The following SOS1 variants were observed in gnomAD, a reference collection of about 807,000 sequenced individuals.
The protein encoded by SOS1 is SOS Ras/Rac guanine nucleotide exchange factor 1.
A neutral mutation model predicts 157.6 loss-of-function variants in SOS1; 25 were observed. The ratio of observed to expected loss-of-function variants is 0.16; its 90% CI spans 0.12 to 0.22. The LOEUF (loss-of-function observed/expected upper bound fraction) is 0.22, where lower values mean the gene tolerates loss of function less well. Ranked by LOEUF, SOS1 falls within the 10% of genes least tolerant of loss-of-function variation. The pLI is 1.00. For synonymous variants in SOS1, 528 were observed against 534.0 expected, an observed-to-expected ratio of 0.99 and a Z score of 0.16; for missense variants, 1,237 against 1,599.1, an observed-to-expected ratio of 0.77 and a Z score of 3.86.
At chr2:39,102,326 C>T (rs1458637242) in intron 1 of SOS1, among the ~76,000 whole-genome samples, 1 of 148,136 alleles carries the variant, frequency 6.8e-6, no homozygotes, top group Non-Finnish European at 1.5e-5. Context: ...AGTTCAAGAC[C>T]AGTGTGGGCA....
intron 15 of SOS1, 130 bp downstream of exon 15, chr2:39,010,454 G>T: frequency 3.9e-6 from 3 of 771,592 alleles, no homozygotes; most frequent in Admixed American, 2.0e-5. Context: ...TCAGTGGGCC[G>T]ATGTGCCACT....
rs973982161 is a variant in SOS1 at position 38,982,679 on chromosome 2, C to T, written c.*3145G>A. 3 of 152,102 alleles carry T rather than the reference C, an allele frequency of 2.0e-5. No individual in the cohort carries two copies. Among genetic ancestry groups the T allele is most frequent in the Admixed American group, 6.6e-5 (1 of 15,260 alleles). The allele number at this position is 152,102 out of a possible 1,614,324, so 9.4% of individuals were successfully genotyped here. On this transcript the variant is annotated 3_prime_UTR_variant, in exon 23 of 23. Transcript: ENST00000402219. ...TGTACAACACTAATAAATTGGGACA[C>T]TCCTCCTATTTTGCTGAGTCACTTA...
intron 1 of SOS1, among the ~76,000 whole-genome samples, chr2:39,101,415 T>C (rs1295973397): frequency 1.3e-5 from 2 of 152,110 alleles, no homozygotes; most frequent in Non-Finnish European, 2.9e-5. Context: ...TATATCAAAC[T>C]GCAAAAGTAG....
At position 38,981,824 on chromosome 2, in the gene SOS1, C is replaced by CACAA. The variant is rs1225940338; in HGVS notation, c.*3996_*3999dup. ...AAACAAAGGCAAATACACATATATA[C>CACAA]ACAAACACGTCTCAACTAAAATTAT... On this transcript the variant is annotated 3_prime_UTR_variant, in exon 23 of 23. Coordinates refer to ENST00000402219, the MANE Select transcript of SOS1 (RefSeq NM_005633.4). 6.6e-6 allele frequency: 1 copy of CACAA among 152,144 alleles called. No individual in the cohort carries two copies. Among genetic ancestry groups the CACAA allele is most frequent in the African/African-American group, 2.4e-5 (1 of 41,432 alleles). 9.4% of individuals were successfully genotyped at this position (152,144 alleles called of 1,614,324 possible).
chr2:39,001,726 GCTGT>G lies in SOS1; in HGVS notation c.2792-4305_2792-4302del, dbSNP rs748236009. On this transcript the variant is annotated intron_variant, in intron 17 of 22. Transcript: ENST00000402219. ...CCACCGGATCAGAACTGTATGAAAG[GCTGT>G]CTAACTCCAGAGACTGGTAACTTTT... 1.6e-4 allele frequency among the ~76,000 whole-genome samples: 25 copies of G among 152,224 alleles called. 1 individual carries two copies. Among genetic ancestry groups the G allele is most frequent in the African/African-American group, 4.6e-4 (19 of 41,552 alleles).
At chr2:39,022,232 G>GA (rs200973591) in intron 10 of SOS1, among the ~76,000 whole-genome samples, 12 of 150,878 alleles carry the variant, frequency 8.0e-5, no homozygotes, top group Admixed American at 2.6e-4. Context: ...AAAGAAGAAA[G>GA]AAAAAAAAGA....
chr2:39,064,301 AT>A (rs1161700292), intron 2 of SOS1, among the ~76,000 whole-genome samples: 1 of 152,162 alleles, frequency 6.6e-6, no homozygotes, highest in Non-Finnish European at 1.5e-5. Context: ...ATAAATACCA[AT>A]TCTTAGCATT....
intron 1 of SOS1, among the ~76,000 whole-genome samples, chr2:39,076,739 G>C (rs527564840): frequency 2.6e-5 from 4 of 152,154 alleles, no homozygotes; most frequent in Middle Eastern, 3.4e-3. Flanking sequence ...GACAAGACAA[G>C]GATACCTACT....
intron 6 of SOS1, among the ~76,000 whole-genome samples, chr2:39,042,906 T>C (rs573340485): frequency 2.6e-5 from 4 of 152,080 alleles, no homozygotes; most frequent in Non-Finnish European, 5.9e-5. Flanking sequence ...TATAATGAAC[T>C]TGCCAACTAG....
In SOS1 at chr2:38,982,937, T is replaced by C. The variant is rs1668445229; in HGVS notation, c.*2887A>G. 1 of 152,178 alleles carries C rather than the reference T, an allele frequency of 6.6e-6. No individual in the cohort carries two copies. The highest frequency in any genetic ancestry group is 2.4e-5 in the African/African-American group (1 of 41,458). The allele number at this position is 152,178 out of a possible 1,614,324, so 9.4% of individuals were successfully genotyped here. ...TGTTGACTGTAGTATTAGTGTGGCA[T>C]GCTCTTTGTCAAATTCAGATCCATT... On this transcript the variant is annotated 3_prime_UTR_variant, in exon 23 of 23. Coordinates refer to ENST00000402219, the MANE Select transcript of SOS1 (RefSeq NM_005633.4).
chr2:39,029,323 G>A (rs565389146), intron 8 of SOS1, among the ~76,000 whole-genome samples: 66 of 152,280 alleles, frequency 4.3e-4, no homozygotes, highest in African/African-American at 1.5e-3. Flanking sequence ...CAGCAGTCAA[G>A]TTTATTTAAA....
At chr2:39,102,330 G>A (rs1003707605) in intron 1 of SOS1, among the ~76,000 whole-genome samples, 8 of 149,024 alleles carry the variant, frequency 5.4e-5, no homozygotes, top group African/African-American at 2.0e-4. Flanking sequence ...CAAGACCAGT[G>A]TGGGCAACAT....
In SOS1 at chr2:39,114,699, G is replaced by A. The variant is rs1235133491; in HGVS notation, c.87+5637C>T. On this transcript the variant is annotated intron_variant, in intron 1 of 22. Transcript: ENST00000402219. ...AGCTCACTGAAGCCTCCAACTCCCA[G>A]GATTCTTGTGTCTCAGCCTCCCGAG... Among the ~76,000 whole-genome samples, 3 of 151,770 alleles carry A rather than the reference G, an allele frequency of 2.0e-5. No individual in the cohort carries two copies. The East Asian group carries it at 5.8e-4, about 29-fold the overall frequency.
chr2:39,033,684 A>C (rs541462234), intron 8 of SOS1, among the ~76,000 whole-genome samples: 1 of 152,120 alleles, frequency 6.6e-6, no homozygotes, highest in Non-Finnish European at 1.5e-5. Context: ...ACAGGTGTGC[A>C]CCACCATTCC....
chr2:39,106,726 G>A (rs879789425), intron 1 of SOS1, among the ~76,000 whole-genome samples: 1 of 151,962 alleles, frequency 6.6e-6, no homozygotes, highest in Non-Finnish European at 1.5e-5. Flanking sequence ...TTGACATTCT[G>A]AGGAATTTCA....
At chr2:39,084,774 T>C (rs1672317502) in intron 1 of SOS1, among the ~76,000 whole-genome samples, 1 of 152,210 alleles carries the variant, frequency 6.6e-6, no homozygotes, top group African/African-American at 2.4e-5. Flanking sequence ...ATATCATTTT[T>C]CATGTGTTTT....
rs762614546 is a variant in SOS1, at chr2:38,981,791, G to A, written c.*4033C>T. On this transcript the variant is annotated 3_prime_UTR_variant, in exon 23 of 23. Coordinates refer to ENST00000402219, the MANE Select transcript of SOS1 (RefSeq NM_005633.4). ...TTGACAATTATTTTAGCAAATAACC[G>A]TGCTACTAAACAAAGGCAAATACAC... 3 of 152,048 alleles carry A rather than the reference G, an allele frequency of 2.0e-5. No individual in the cohort carries two copies. The highest frequency in any genetic ancestry group is 2.1e-4 in the South Asian group (1 of 4,826). 9.4% of individuals were successfully genotyped at this position (152,048 alleles called of 1,614,324 possible).
intron 12 of SOS1, 103 bp downstream of exon 12, chr2:39,013,759 CTAATT>C: frequency 1.0e-6 from 1 of 1,001,268 alleles, no homozygotes; most frequent in Non-Finnish European, 1.6e-6. Context: ...ATTTAATTTA[CTAATT>C]TTATTGTCAC....
chr2:39,116,980 C>T (rs1288382927), intron 1 of SOS1, among the ~76,000 whole-genome samples: 1 of 152,046 alleles, frequency 6.6e-6, no homozygotes, highest in African/African-American at 2.4e-5. Flanking sequence ...ACATGCCCTG[C>T]CACTTCCCAT....
Sources: gnomAD v4.1 joint callset for allele counts (sites outside exome capture counted in the v4.1 genomes callset) on GRCh38, gnomAD v4.1.1 for gene constraint, MANE v1.5 for transcripts, NCBI Gene and HGNC (gene_info 2026-07-23, HGNC 2026-07-21) for gene names.